The following STARD13 variants were observed in gnomAD, a reference collection of about 807,000 sequenced individuals.
The protein encoded by STARD13 is StAR related lipid transfer domain containing 13.
In STARD13, 62 loss-of-function variants were observed where a neutral mutation model predicts 106.4. The ratio of observed to expected loss-of-function variants is 0.58; its 90% CI spans 0.48 to 0.72. The LOEUF is 0.72. STARD13 is among the 30% of genes least tolerant of loss of function. STARD13 has a pLI of 0.00. For missense variants in STARD13, 1,387 were observed against 1,424.0 expected (o/e 0.97, Z 0.42); for synonymous variants, 565 against 553.0 (o/e 1.02, Z -0.31).
At chr13:33,237,170 C>A (rs1344349460) in intron 1 of STARD13, among the ~76,000 whole-genome samples, 1 of 152,206 alleles carries the variant, frequency 6.6e-6, no homozygotes, top group Non-Finnish European at 1.5e-5. Context: ...TCTTTCTGCA[C>A]TCAGCCCCAC....
At chr13:33,321,022 T>C (rs1281438578) in intron 1 of STARD13, among the ~76,000 whole-genome samples, 2 of 152,220 alleles carry the variant, frequency 1.3e-5, no homozygotes, top group African/African-American at 2.4e-5. Flanking sequence ...CAGTCAACTT[T>C]ATGGAGATCA....
At chr13:33,304,784 T>C (rs1020488253) in intron 1 of STARD13, among the ~76,000 whole-genome samples, 1 of 152,182 alleles carries the variant, frequency 6.6e-6, no homozygotes, top group Non-Finnish European at 1.5e-5. Context: ...ACTCTTTATT[T>C]TCCATCATAG....
At chr13:33,590,752 T>C in the STARD13 span, among the ~76,000 whole-genome samples, 7 of 151,218 alleles carry the variant, frequency 4.6e-5, no homozygotes, top group African/African-American at 1.7e-4. Context: ...ATATACCTAA[T>C]GTAAATGACC....
the STARD13 span, among the ~76,000 whole-genome samples, chr13:33,586,757 G>C: frequency 0.012 from 1,820 of 152,120 alleles, 31 homozygotes; most frequent in African/African-American, 0.041. Flanking sequence ...CTATGACCCT[G>C]ATAGGTGAAT....
At chr13:33,269,031 G>C (rs546804854) in intron 1 of STARD13, among the ~76,000 whole-genome samples, 3 of 152,220 alleles carry the variant, frequency 2.0e-5, no homozygotes, top group African/African-American at 7.2e-5. Flanking sequence ...CCATGAGCTG[G>C]GTACTCCTCT....
the STARD13 span, among the ~76,000 whole-genome samples, chr13:33,609,597 C>A: frequency 6.7e-6 from 1 of 148,292 alleles, no homozygotes; most frequent in Admixed American, 6.7e-5. Flanking sequence ...GATGGAGTCT[C>A]GCTGTGTTGC....
the STARD13 span, among the ~76,000 whole-genome samples, chr13:33,384,272 C>T: frequency 5.5e-4 from 84 of 152,300 alleles, no homozygotes; most frequent in African/African-American, 1.8e-3. Context: ...CTGTTTATTA[C>T]TTGGTGGCTG....
chr13:33,559,578 A>C, the STARD13 span, among the ~76,000 whole-genome samples: 1 of 151,534 alleles, frequency 6.6e-6, no homozygotes, highest in Non-Finnish European at 1.5e-5. Context: ...GGAAGAGGCC[A>C]GGCTCAGTGG....
chr13:33,212,389 C>T (rs9596972), intron 1 of STARD13, among the ~76,000 whole-genome samples: 14,272 of 152,180 alleles, frequency 0.094, 1,384 homozygotes, highest in African/African-American at 0.24. Flanking sequence ...CCATTTTAAG[C>T]AGAAAATAAA....
At chr13:33,395,916 A>G in the STARD13 span, among the ~76,000 whole-genome samples, 2 of 152,156 alleles carry the variant, frequency 1.3e-5, no homozygotes, top group Admixed American at 6.5e-5. Flanking sequence ...ATCATGGTTC[A>G]TTGCAGCCTC....
the STARD13 span, among the ~76,000 whole-genome samples, chr13:33,544,399 CAG>C: frequency 2.0e-5 from 3 of 152,214 alleles, no homozygotes; most frequent in African/African-American, 7.2e-5. Flanking sequence ...TTTATTGACA[CAG>C]TAATTAAATC....
the STARD13 span, among the ~76,000 whole-genome samples, chr13:33,649,733 T>A: frequency 6.6e-6 from 1 of 152,094 alleles, no homozygotes; most frequent in African/African-American, 2.4e-5. Flanking sequence ...TTAAAAAAAA[T>A]TGACCTTGGT....
intron 3 of STARD13, among the ~76,000 whole-genome samples, chr13:33,153,007 G>T (rs1052392547): frequency 2.6e-5 from 4 of 152,206 alleles, no homozygotes; most frequent in Admixed American, 1.3e-4. Flanking sequence ...TATTAGGAAA[G>T]GCATGGACAT....
chr13:33,349,649 A>G (rs2078052341), intron 1 of STARD13, among the ~76,000 whole-genome samples: 1 of 152,304 alleles, frequency 6.6e-6, no homozygotes, highest in African/African-American at 2.4e-5. Flanking sequence ...TTCGTGGACA[A>G]TGGAGTCCCA....
chr13:33,604,783 A>T, the STARD13 span, among the ~76,000 whole-genome samples: 1 of 151,612 alleles, frequency 6.6e-6, no homozygotes, highest in Non-Finnish European at 1.5e-5. Context: ...CGAGGGACAG[A>T]GCAAGACTTT....
the STARD13 span, among the ~76,000 whole-genome samples, chr13:33,588,413 TCTA>T: frequency 6.3e-4 from 96 of 152,282 alleles, no homozygotes; most frequent in Non-Finnish European, 1.1e-3. Context: ...TGCTGTACTC[TCTA>T]CTAAGGGAAT....
intron 12 of STARD13, 111 bp from the exon 13 acceptor site, chr13:33,107,045 T>A: frequency 9.9e-7 from 1 of 1,007,314 alleles, no homozygotes; most frequent in Non-Finnish European, 1.5e-6. Context: ...TGGGCTCAGA[T>A]TCCAATGCTA....
Position 33,276,994 on chromosome 13 carries a change from T to A in STARD13, c.169+8476A>T, listed in dbSNP as rs561191539. 2.0e-5 allele frequency among the ~76,000 whole-genome samples: 3 copies of A among 152,122 alleles called. No homozygotes were observed. In the South Asian group the frequency reaches 6.2e-4, roughly 32 times the overall value. On this transcript the variant is annotated intron_variant, in intron 1 of 13. Coordinates refer to ENST00000336934, the MANE Select transcript of STARD13 (RefSeq NM_178006.4). ...TAACAGCATTAGCATTTTCTGTAAT[T>A]TTGAAGTTATTTTCCAAGTTCTCCA...
At chr13:33,399,700 CAAAAAAA>C in the STARD13 span, among the ~76,000 whole-genome samples, 25 of 26,986 alleles carry the variant, frequency 9.3e-4, no homozygotes, top group South Asian at 3.9e-3. Flanking sequence ...GACTCTGTCT[CAAAAAAA>C]AAAAAAAAAA....
Sources: allele counts gnomAD v4.1 joint callset (sites outside exome capture counted in the v4.1 genomes callset), GRCh38; gene constraint gnomAD v4.1.1; transcripts MANE v1.5; gene names NCBI Gene and HGNC (gene_info 2026-07-23, HGNC 2026-07-21).